ANK3: variants seen among roughly 807,000 people sequenced by gnomAD.
ANK3 encodes ankyrin-3.
In ANK3, 57 loss-of-function variants were observed where a neutral mutation model predicts 370.9. The observed-to-expected ratio is 0.15, with a 90% CI of 0.12 to 0.19. ANK3 has a LOEUF of 0.19. ANK3 is among the 10% of genes least tolerant of loss of function. The pLI is 1.00. For missense variants in ANK3, 4,439 were observed against 5,302.1 expected (o/e 0.84, Z 5.06); for synonymous variants, 1,929 against 1,946.3 (o/e 0.99, Z 0.23).
At chr10:60,545,538 A>G (rs2076944715) in intron 2 of ANK3, among the ~76,000 whole-genome samples, 1 of 152,182 alleles carries the variant, frequency 6.6e-6, no homozygotes, top group Non-Finnish European at 1.5e-5. Context: ...TGAAAAAAAA[A>G]TTCTAGAAGC....
intron 42 of ANK3, among the ~76,000 whole-genome samples, chr10:60,054,109 C>A (rs1189705463): frequency 6.6e-6 from 1 of 152,222 alleles, no homozygotes; most frequent in African/African-American, 2.4e-5. Flanking sequence ...GTGGCCCATA[C>A]ATATGCACAT....
chr10:60,459,177 C>G (rs1374340912), intron 2 of ANK3, among the ~76,000 whole-genome samples: 1 of 152,126 alleles, frequency 6.6e-6, no homozygotes, highest in Non-Finnish European at 1.5e-5. Flanking sequence ...ATATACAGAA[C>G]AATTTGAGAT....
rs368896963 is a variant in ANK3 at position 60,052,410 on chromosome 10, A to G, written c.13065+3248T>C. On this transcript the variant is annotated intron_variant, in intron 42 of 43. Coordinates refer to ENST00000280772, the MANE Select transcript of ANK3 (RefSeq NM_020987.5). ...TTATATTCAAGAGATTAATATCAGC[A>G]TAATTTGTACCTAACACATAACTGG... 2.2e-4 allele frequency among the ~76,000 whole-genome samples: 33 copies of G among 152,372 alleles called. 1 individual carries two copies. The highest frequency in any genetic ancestry group is 2.1e-3 in the East Asian group (11 of 5,194).
intron 21 of ANK3, among the ~76,000 whole-genome samples, chr10:60,167,605 A>C (rs1465168236): frequency 6.6e-6 from 1 of 152,128 alleles, no homozygotes; most frequent in Non-Finnish European, 1.5e-5. Flanking sequence ...TCCAAAAGAC[A>C]CTGTTAGCAT....
intron 2 of ANK3, among the ~76,000 whole-genome samples, chr10:60,528,362 C>T (rs777114129): frequency 1.6e-4 from 24 of 151,868 alleles, no homozygotes; most frequent in Non-Finnish European, 1.8e-4. Flanking sequence ...TCTTGAACTC[C>T]CAACCTCAGG....
intron 1 of ANK3, among the ~76,000 whole-genome samples, chr10:60,307,394 A>G (rs1394774622): frequency 1.3e-5 from 2 of 152,140 alleles, no homozygotes; most frequent in East Asian, 3.9e-4. Flanking sequence ...GCGCAATGGC[A>G]TGATCATAGC....
intron 7 of ANK3, 34 bp from the exon 8 acceptor site, chr10:60,234,820 T>G: frequency 6.8e-7 from 1 of 1,481,214 alleles, no homozygotes; most frequent in Non-Finnish European, 9.4e-7. Flanking sequence ...AGATTTGATA[T>G]TTTTGGTTTC....
intron 25 of ANK3, among the ~76,000 whole-genome samples, chr10:60,125,049 C>T (rs2093687891): frequency 6.6e-6 from 1 of 152,108 alleles, no homozygotes; most frequent in African/African-American, 2.4e-5. Flanking sequence ...ACATCCAGCA[C>T]TACTACATGG....
intron 1 of ANK3, among the ~76,000 whole-genome samples, chr10:60,379,372 T>C (rs762861168): frequency 2.6e-5 from 4 of 152,102 alleles, no homozygotes; most frequent in Non-Finnish European, 5.9e-5. Context: ...TGGGCATTTA[T>C]GCAAAGGAAA....
intron 2 of ANK3, among the ~76,000 whole-genome samples, chr10:60,440,046 C>G (rs2064260552): frequency 1.3e-5 from 2 of 152,192 alleles, no homozygotes; most frequent in South Asian, 2.1e-4. Flanking sequence ...CAGGAACCTT[C>G]CATGTTACAC....
chr10:60,652,926 C>G (rs2078810639), intron 1 of ANK3, among the ~76,000 whole-genome samples: 1 of 152,090 alleles, frequency 6.6e-6, no homozygotes, highest in Non-Finnish European at 1.5e-5. Context: ...TTGCAGTTCC[C>G]CAAACACCAC....
At chr10:60,704,621 C>A (rs190821360) in intron 1 of ANK3, among the ~76,000 whole-genome samples, 10 of 152,154 alleles carry the variant, frequency 6.6e-5, no homozygotes, top group Admixed American at 4.6e-4. Flanking sequence ...CCTTTCCCAA[C>A]AAAGAAACAC....
chr10:60,258,399 A>G (rs2097764867), intron 7 of ANK3, among the ~76,000 whole-genome samples: 1 of 152,244 alleles, frequency 6.6e-6, no homozygotes, highest in Non-Finnish European at 1.5e-5. Flanking sequence ...TAAAATTACA[A>G]TGCAAACATC....
chr10:60,421,005 T>C (rs965865556), intron 2 of ANK3, among the ~76,000 whole-genome samples: 4 of 152,122 alleles, frequency 2.6e-5, no homozygotes, highest in Admixed American at 2.0e-4. Flanking sequence ...ATACGATGAA[T>C]ACTATTCCAC....
intron 1 of ANK3, among the ~76,000 whole-genome samples, chr10:60,331,376 C>T (rs192075786): frequency 6.6e-6 from 1 of 152,070 alleles, no homozygotes; most frequent in East Asian, 1.9e-4. Context: ...TATGTATCTA[C>T]ATGTGTTATA....
rs532488784 is a variant in ANK3, at chr10:60,186,349, T to TC, written c.2085+365_2085+366insG. Among the ~76,000 whole-genome samples the TC allele has an allele frequency of 8.3e-4, 20 of 24,222 alleles. 1 individual carries two copies. The highest frequency in any genetic ancestry group is 1.3e-3 in the Admixed American group (3 of 2,390). 15.9% of individuals were successfully genotyped at this position (24,222 alleles called of 152,430 possible). On this transcript the variant is annotated intron_variant, in intron 17 of 43. Transcript: ENST00000280772. ...TTTATTTACCATTATCTTTCTGTCT[T>TC]TTTTTTTTTTTTTTTTAAAGAGACA...
intron 1 of ANK3, among the ~76,000 whole-genome samples, chr10:60,290,227 A>G (rs1024829548): frequency 1.3e-5 from 2 of 152,114 alleles, no homozygotes; most frequent in African/African-American, 4.8e-5. Flanking sequence ...AGAGATTGAT[A>G]TTTCTCTTTT....
chr10:60,443,212 G>C (rs762531497), intron 2 of ANK3, among the ~76,000 whole-genome samples: 24 of 152,108 alleles, frequency 1.6e-4, no homozygotes, highest in Non-Finnish European at 3.5e-4. Context: ...GGGTACTATA[G>C]GTGAGGAAAG....
At chr10:60,042,800 AGTGTTAGTTATAAAG>A in intron 42 of ANK3, 41 bp from the exon 43 acceptor site, 2 of 1,531,202 alleles carry the variant, frequency 1.3e-6, no homozygotes, top group Middle Eastern at 1.7e-4. Context: ...ACAGTGAAAC[AGTGTTAGTTATAAAG>A]CAGTCCATTC....
Sources: allele counts gnomAD v4.1 joint callset (sites outside exome capture counted in the v4.1 genomes callset), GRCh38; gene constraint gnomAD v4.1.1; transcripts MANE v1.5; gene names NCBI Gene and HGNC (gene_info 2026-07-23, HGNC 2026-07-21).